The following IQSEC2 variants were observed in gnomAD, a reference collection of about 807,000 sequenced individuals.
IQSEC2 encodes the protein IQ motif and SEC7 domain-containing protein 2.
IQSEC2 carries 6 observed loss-of-function variants against 74.6 expected under a neutral mutation model. The observed-to-expected ratio is 0.08, with a 90% CI of 0.04 to 0.16. The LOEUF (loss-of-function observed/expected upper bound fraction) is 0.16, where lower values mean the gene tolerates loss of function less well. Ranked by LOEUF, IQSEC2 falls within the 10% of genes least tolerant of loss-of-function variation. The pLI, the probability that IQSEC2 is intolerant of heterozygous loss-of-function variation, is 1.00. For missense variants in IQSEC2, 734 were observed against 1,306.2 expected (o/e 0.56, Z 6.75); for synonymous variants, 494 against 544.5 (o/e 0.91, Z 1.29).
chrX:53,310,583 A>G (rs1313326078), intron 1 of IQSEC2, among the ~76,000 whole-genome samples: 2 of 110,803 alleles, frequency 1.8e-5, no homozygotes, highest in African/African-American at 6.6e-5. Context: ...GTATCATATC[A>G]TCGAGCCTCA....
At chrX:53,232,689 C>T (rs939629347), downstream of IQSEC2, among the ~76,000 whole-genome samples, 5 of 111,555 alleles carry the variant, frequency 4.5e-5, no homozygotes, top group Non-Finnish European at 9.4e-5. Flanking sequence ...GCCACTCTGT[C>T]GCACAAACTG....
chrX:53,310,149 G>C (rs997342585), intron 1 of IQSEC2, among the ~76,000 whole-genome samples: 12 of 111,235 alleles, frequency 1.1e-4, no homozygotes, highest in African/African-American at 3.6e-4. Context: ...CTGCACTTTA[G>C]GGGGCCGAAG....
chrX:53,294,030 G>T (rs2075127097), intron 1 of IQSEC2, among the ~76,000 whole-genome samples: 1 of 111,649 alleles, frequency 9.0e-6, no homozygotes, highest in Non-Finnish European at 1.9e-5. Context: ...ACGCTCCACT[G>T]TACCAGAAGC....
chrX:53,290,729 CCT>C (rs782620550), intron 2 of IQSEC2, among the ~76,000 whole-genome samples: 10 of 111,894 alleles, frequency 8.9e-5, no homozygotes, highest in Non-Finnish European at 1.5e-4. Flanking sequence ...CCCCAGATCC[CCT>C]GTCTGGGGTG....
intron 9 of IQSEC2, among the ~76,000 whole-genome samples, chrX:53,242,433 CAAAAAAA>C (rs138931001): frequency 2.8e-5 from 1 of 36,003 alleles, no homozygotes; most frequent in Non-Finnish European, 4.9e-5. Context: ...AACTCCATGT[CAAAAAAA>C]AAAAAAAAAA....
Position 53,250,338 on chromosome X carries a change from A to G in IQSEC2, c.2238T>C (p.Ala746=), listed in dbSNP as rs2074366023. The change falls in exon 5 of 15, where the codon GCT becomes GCC. Residue 746 remains alanine (A), a synonymous_variant. Coordinates refer to ENST00000642864, the MANE Select transcript of IQSEC2 (RefSeq NM_001111125.3). ...RETRHSWDSP[A]FNNDVVQRRH... ...GCCTCTGGACCACATCATTGTTGAA[A>G]GCTGGCGAGTCCCAGCTATGCCTTG... 2 of 1,210,074 alleles carry G rather than the reference A, an allele frequency of 1.7e-6. No homozygotes were observed. The highest frequency in any genetic ancestry group is 4.4e-5 in the Admixed American group (2 of 45,850).
At chrX:53,316,606 A>G (rs1211191669) in intron 1 of IQSEC2, among the ~76,000 whole-genome samples, 1 of 111,299 alleles carries the variant, frequency 9.0e-6, no homozygotes, top group Non-Finnish European at 1.9e-5. Context: ...GGACCGCTTG[A>G]GCCCAGGAGT....
At position 53,251,106 on chromosome X, in the gene IQSEC2, C is replaced by T; in HGVS notation, c.1470G>A (p.Glu490=). ...NCHPSGPMSE[E]PGSAQLEKRE... ...GCTTCTCCAGCTGGGCTGACCCTGGCTCCTCAGACATGGGCCCTGACGGGT... is the reference window on the plus strand; with the variant it reads ...GCTTCTCCAGCTGGGCTGACCCTGGTTCCTCAGACATGGGCCCTGACGGGT... Residue 490 remains glutamate (E), a synonymous_variant, in exon 5 of 15, where the codon GAG becomes GAA. Transcript: ENST00000642864. 8.3e-7 allele frequency: 1 copy of T among 1,212,052 alleles called. No individual in the cohort carries two copies. The highest frequency in any genetic ancestry group is 1.1e-6 in the Non-Finnish European group (1 of 895,580).
chrX:53,316,323 G>A (rs1358583250), intron 1 of IQSEC2, among the ~76,000 whole-genome samples: 2 of 111,414 alleles, frequency 1.8e-5, no homozygotes, highest in African/African-American at 3.3e-5. Context: ...ACAACACAGT[G>A]GGAGGGAAGA....
At chrX:53,320,216 C>G (rs1435299511) in intron 1 of IQSEC2, among the ~76,000 whole-genome samples, 4 of 111,601 alleles carry the variant, frequency 3.6e-5, no homozygotes, top group Non-Finnish European at 7.6e-5. Flanking sequence ...AAAGAAGAGA[C>G]GCCTGCACTC....
chrX:53,254,594 G>A lies in IQSEC2; in HGVS notation c.1337C>T (p.Ser446Phe). The change falls in exon 4 of 15, where the codon TCC (serine) becomes TTC (phenylalanine). Residue 446 changes from serine (S) to phenylalanine (F), a missense_variant. Ser to Phe is a radical substitution (Grantham distance 155). Around this residue, in one of 12 missense-constraint regions of IQSEC2, gnomAD observed 204 missense variants for 305.4 expected, o/e 0.67. Transcript: ENST00000642864. ...AGAAAACTCTCCAGATGTGGTGACGGAGCTTCCACCACCATCGATGCCCCC... is the reference window on the plus strand; with the variant it reads ...AGAAAACTCTCCAGATGTGGTGACGAAGCTTCCACCACCATCGATGCCCCC... ...CGGGIDGGGS[S>F]VTTSGEFSND... is the part of the protein sequence containing the mutation. 2 of 1,192,794 alleles carry A rather than the reference G, an allele frequency of 1.7e-6. No individual in the cohort carries two copies. The highest frequency in any genetic ancestry group is 2.3e-6 in the Non-Finnish European group (2 of 886,963).
intron 1 of IQSEC2, among the ~76,000 whole-genome samples, chrX:53,319,224 TGG>T (rs1317708415): frequency 8.9e-6 from 1 of 112,156 alleles, no homozygotes; most frequent in African/African-American, 3.2e-5. Context: ...TTGTGGCACA[TGG>T]TAGGACCAGC....
At chrX:53,290,754 G>A (rs2075091229) in intron 2 of IQSEC2, among the ~76,000 whole-genome samples, 2 of 111,758 alleles carry the variant, frequency 1.8e-5, no homozygotes, top group Admixed American at 1.9e-4. Context: ...AGAACAGAGT[G>A]TGTCTCATTA....
chrX:53,255,007 AC>A, intron 3 of IQSEC2, 76 bp from the exon 4 acceptor site: 2 of 980,752 alleles, frequency 2.0e-6, no homozygotes, highest in Non-Finnish European at 2.8e-6. Context: ...CAACCACACC[AC>A]CCCCACTGGA....
chrX:53,228,550 C>A (rs2074052014), downstream of IQSEC2, among the ~76,000 whole-genome samples: 1 of 112,092 alleles, frequency 8.9e-6, no homozygotes, highest in South Asian at 3.7e-4. Flanking sequence ...GAAGGCTCGT[C>A]TGGGCTCAAA....
intron 2 of IQSEC2, among the ~76,000 whole-genome samples, chrX:53,264,964 C>T (rs2074632679): frequency 9.1e-6 from 1 of 109,319 alleles, no homozygotes; most frequent in South Asian, 4.0e-4. Context: ...TGAGATCTCA[C>T]TATGTTGCCC....
At chrX:53,240,923 C>T (rs1379863452) in intron 10 of IQSEC2, among the ~76,000 whole-genome samples, 2 of 110,105 alleles carry the variant, frequency 1.8e-5, no homozygotes, top group East Asian at 2.8e-4. Flanking sequence ...TACAGGCATG[C>T]GCCACTGCGC....
rs2074079433 is a variant in IQSEC2, at chrX:53,233,522, G to C, written c.*697C>G. 1 of 138,167 alleles carries C rather than the reference G, an allele frequency of 7.2e-6. No homozygotes were observed. Among genetic ancestry groups the C allele is most frequent in the African/African-American group, 3.1e-5 (1 of 32,107 alleles). 11.4% of individuals were successfully genotyped at this position (138,167 alleles called of 1,213,427 possible). ...GGACTTTGATCAGGATAAGAACGTT[G>C]CAGGGCGAGGCAAGTTCCTGAAGCC... is the stretch of plus-strand genomic sequence containing the variant. On this transcript the variant is annotated 3_prime_UTR_variant, in exon 15 of 15. Transcript: ENST00000642864.
chrX:53,316,758 A>C (rs1310653850), intron 1 of IQSEC2, among the ~76,000 whole-genome samples: 4 of 108,919 alleles, frequency 3.7e-5, no homozygotes, highest in African/African-American at 1.3e-4. Context: ...TCACTTGAGT[A>C]AGCTATGTTC....
Sources: gnomAD v4.1 joint callset for allele counts (sites outside exome capture counted in the v4.1 genomes callset) on GRCh38, gnomAD v4.1.1 for gene constraint, gnomAD v4.1.1 regional missense constraint, MANE v1.5 for transcripts, NCBI Gene and HGNC (gene_info 2026-07-23, HGNC 2026-07-21) for gene names.